The following PLXNA4 variants were observed in gnomAD, a reference collection of about 807,000 sequenced individuals.
PLXNA4 encodes the protein plexin-A4.
PLXNA4 carries 44 observed loss-of-function variants against 191.8 expected under a neutral mutation model. That is an observed-to-expected ratio of 0.23 (90% CI 0.18 to 0.29). PLXNA4 has a LOEUF of 0.29. PLXNA4 is among the 10% of genes least tolerant of loss of function. PLXNA4 has a pLI of 1.00. For synonymous variants in PLXNA4, 1,082 were observed against 1,009.5 expected (o/e 1.07, Z -1.36); for missense variants, 1,800 against 2,488.8 (o/e 0.72, Z 5.89).
intron 30 of PLXNA4, among the ~76,000 whole-genome samples, chr7:132,140,354 C>T (rs1795232270): frequency 6.6e-6 from 1 of 152,170 alleles, no homozygotes; most frequent in Non-Finnish European, 1.5e-5. Context: ...AGCCACTAGG[C>T]TCCAGGGCCT....
At chr7:132,329,644 AAAT>A (rs566260876) in intron 3 of PLXNA4, among the ~76,000 whole-genome samples, 116 of 152,288 alleles carry the variant, frequency 7.6e-4, no homozygotes, top group Admixed American at 2.6e-3. Context: ...TAAATTATCA[AAAT>A]AATAACTCAC....
intron 3 of PLXNA4, among the ~76,000 whole-genome samples, chr7:132,321,819 C>A (rs1297865094): frequency 6.6e-6 from 1 of 152,156 alleles, no homozygotes; most frequent in East Asian, 1.9e-4. Flanking sequence ...ATGCGGGTGG[C>A]CACCCTCCCA....
intron 4 of PLXNA4, chr7:132,264,022 C>A (rs1330073456): frequency 3.9e-5 from 6 of 152,092 alleles, no homozygotes; most frequent in Non-Finnish European, 8.8e-5. Context: ...ATTAAGGCAC[C>A]AGAAGAGAAA....
chr7:132,294,957 T>G (rs140657533), intron 4 of PLXNA4, among the ~76,000 whole-genome samples: 1 of 152,156 alleles, frequency 6.6e-6, no homozygotes, highest in East Asian at 1.9e-4. Context: ...ACTTCCAACA[T>G]CCAAAGCTAT....
intron 3 of PLXNA4, among the ~76,000 whole-genome samples, chr7:132,330,733 C>T (rs539062634): frequency 1.3e-5 from 2 of 152,276 alleles, no homozygotes; most frequent in African/African-American, 4.8e-5. Flanking sequence ...CTACTGGAAT[C>T]ACAAGGATGG....
At chr7:132,227,863 A>T (rs1181039101) in intron 6 of PLXNA4, among the ~76,000 whole-genome samples, 1 of 152,182 alleles carries the variant, frequency 6.6e-6, no homozygotes, top group Non-Finnish European at 1.5e-5. Context: ...AGAATGCTTA[A>T]GGGATTTGCG....
chr7:132,624,327 T>G (rs975480172), intron 2 of PLXNA4, among the ~76,000 whole-genome samples: 1 of 152,188 alleles, frequency 6.6e-6, no homozygotes, highest in African/African-American at 2.4e-5. Context: ...GCAAAGCACA[T>G]ACAGACTCCA....
intron 4 of PLXNA4, among the ~76,000 whole-genome samples, chr7:132,250,855 AT>A (rs1799222533): frequency 6.6e-6 from 1 of 152,142 alleles, no homozygotes; most frequent in Admixed American, 6.5e-5. Context: ...TCCTCATTTG[AT>A]ACCCAGTCCC....
At chr7:132,370,380 C>A (rs1485388663) in intron 3 of PLXNA4, among the ~76,000 whole-genome samples, 1 of 152,202 alleles carries the variant, frequency 6.6e-6, no homozygotes, top group African/African-American at 2.4e-5. Context: ...AAGCCAGAGG[C>A]ACCATGGTTT....
At chr7:132,485,483 G>C (rs1193051696) in intron 3 of PLXNA4, among the ~76,000 whole-genome samples, 1 of 152,170 alleles carries the variant, frequency 6.6e-6, no homozygotes, top group Non-Finnish European at 1.5e-5. Flanking sequence ...AAAGCAAGAG[G>C]CAGAGAAAGC....
intron 3 of PLXNA4, among the ~76,000 whole-genome samples, chr7:132,322,188 T>C (rs74333096): frequency 1.8e-4 from 23 of 127,352 alleles, no homozygotes; most frequent in African/African-American, 3.7e-4. Context: ...AAAGGGCTTT[T>C]TTTTTTTTTT....
intron 3 of PLXNA4, among the ~76,000 whole-genome samples, chr7:132,473,251 G>T (rs908843462): frequency 6.6e-6 from 1 of 152,184 alleles, no homozygotes; most frequent in African/African-American, 2.4e-5. Context: ...TCTGAAGTTG[G>T]TTTTTCTGGC....
chr7:132,540,423 C>G (rs1378998286), intron 1 of PLXNA4, among the ~76,000 whole-genome samples: 1 of 152,136 alleles, frequency 6.6e-6, no homozygotes, highest in African/African-American at 2.4e-5. Context: ...ATCACCCCTT[C>G]CCAAACCTGG....
At position 132,227,505 on chromosome 7, in the gene PLXNA4, T is replaced by G; in HGVS notation, c.1828A>C (p.Ile610Leu). The G allele has an allele frequency of 6.2e-7, 1 of 1,614,148 alleles. No individual in the cohort carries two copies. ...TTGGCTGCAGGGGAGTAGCACTGGA[T>G]CTGATTGCCCACGACCAGCCCATCC... ...EMDGLVVGNQ[I>L]QCYSPAAKEV... Residue 610 changes from isoleucine to leucine, a missense_variant, in exon 7 of 32, where the codon ATC (isoleucine) becomes CTC (leucine). By Grantham distance (5) the Ile-to-Leu change is conservative. This residue lies in a region of PLXNA4 where 1,397 missense variants were observed against 1,880.4 expected (regional missense o/e 0.74). Transcript: ENST00000321063.
chr7:132,513,042 A>T (rs1384405184), intron 1 of PLXNA4, among the ~76,000 whole-genome samples: 1 of 152,222 alleles, frequency 6.6e-6, no homozygotes, highest in African/African-American at 2.4e-5. Flanking sequence ...ACCCAACTCA[A>T]ACATGCTACA....
Position 132,562,419 on chromosome 7 carries a change from T to C in PLXNA4, c.-87+14003A>G, listed in dbSNP as rs1479386430. ...TGCTGCTCCTCCTCCTTCTCCTCCT[T>C]CTCCTACTCCTTTTCCTCTTCATCC... On this transcript the variant is annotated intron_variant, in intron 1 of 31. Coordinates refer to ENST00000321063, the MANE Select transcript of PLXNA4 (RefSeq NM_020911.2). Among the ~76,000 whole-genome samples the C allele has an allele frequency of 1.5e-3, 141 of 91,264 alleles. 2 individuals are homozygous for C. Among genetic ancestry groups the C allele is most frequent in the South Asian group, 1.8e-3 (4 of 2,242 alleles). The allele number at this position is 91,264 out of a possible 152,430, so 59.9% of individuals were successfully genotyped here.
intron 2 of PLXNA4, among the ~76,000 whole-genome samples, chr7:132,612,577 T>A (rs1454110910): frequency 6.9e-6 from 1 of 145,948 alleles, no homozygotes; most frequent in Non-Finnish European, 1.5e-5. Flanking sequence ...GGCAGGAGAA[T>A]CACTTGAACT....
chr7:132,140,452 G>C (rs1795235607), intron 30 of PLXNA4, 147 bp downstream of exon 30: 1 of 1,204,566 alleles, frequency 8.3e-7, no homozygotes, highest in African/African-American at 1.5e-5. Context: ...GGGACTTGGG[G>C]GTGTGGGTGT....
chr7:132,168,295 C>T lies in PLXNA4; in HGVS notation c.4286+9G>A, dbSNP rs1423655331. 4 of 1,529,088 alleles carry T rather than the reference C, an allele frequency of 2.6e-6. No individual in the cohort carries two copies. The highest frequency in any genetic ancestry group is 3.5e-6 in the Non-Finnish European group (4 of 1,134,438). 94.7% of individuals were successfully genotyped at this position (1,529,088 alleles called of 1,614,324 possible). A position where few individuals can be genotyped will look rare whatever the true frequency, so the allele number is the denominator to read the frequency against. On this transcript the variant is annotated intron_variant, in intron 22 of 31. Transcript: ENST00000321063. ...GGCTGGAGCAGGGTGCCCCAGACTG[C>T]ACCCTCACCTCCTGAGCAGCAGCTT...
Sources: allele counts gnomAD v4.1 joint callset (sites outside exome capture counted in the v4.1 genomes callset), GRCh38; gene constraint gnomAD v4.1.1; regional missense constraint gnomAD v4.1.1; transcripts MANE v1.5; gene names NCBI Gene and HGNC (gene_info 2026-07-23, HGNC 2026-07-21).